SPATA6L: variants seen among roughly 807,000 people sequenced by gnomAD.
SPATA6L encodes spermatogenesis associated 6-like protein.
A neutral mutation model predicts 49.2 loss-of-function variants in SPATA6L; 68 were observed. That is an observed-to-expected ratio of 1.38 (90% CI 1.14 to 1.69). The LOEUF (loss-of-function observed/expected upper bound fraction) is 1.69, where lower values mean the gene tolerates loss of function less well. Among genes scored for constraint, SPATA6L ranks in the 40% most tolerant of loss-of-function variants. The pLI is 0.00. For missense variants in SPATA6L, 668 were observed against 464.3 expected (o/e 1.44, Z -4.03); for synonymous variants, 198 against 165.7 (o/e 1.19, Z -1.50).
At chr9:4,637,135 T>G (rs528723279) in intron 3 of SPATA6L, among the ~76,000 whole-genome samples, 82 of 152,326 alleles carry the variant, frequency 5.4e-4, no homozygotes, top group Middle Eastern at 3.4e-3. Flanking sequence ...ATTCATTTAT[T>G]GCCACTCTCC....
intron 3 of SPATA6L, among the ~76,000 whole-genome samples, chr9:4,648,155 C>T (rs1482146585): frequency 1.3e-5 from 2 of 151,912 alleles, no homozygotes; most frequent in African/African-American, 2.4e-5. Context: ...GTTAAACAGA[C>T]AACAAAAGTA....
Position 4,604,870 on chromosome 9 carries a change from A to G in SPATA6L, c.1089+477T>C, listed in dbSNP as rs80231269. ...TGGGAATACCTACCAATGGATCAGAAGCACTCCCCATACCCCTGTAAAAGT... is the reference window on the plus strand; with the variant it reads ...TGGGAATACCTACCAATGGATCAGAGGCACTCCCCATACCCCTGTAAAAGT... On this transcript the variant is annotated intron_variant, in intron 10 of 11. Coordinates refer to ENST00000682582, the MANE Select transcript of SPATA6L (RefSeq NM_001353486.2). Among the ~76,000 whole-genome samples the G allele has an allele frequency of 5.1e-3, 770 of 152,330 alleles. 6 individuals are homozygous for G. The highest frequency in any genetic ancestry group is 9.0e-3 in the Non-Finnish European group (614 of 68,032).
chr9:4,642,584 C>A (rs1366258474), intron 3 of SPATA6L, among the ~76,000 whole-genome samples: 2 of 152,210 alleles, frequency 1.3e-5, no homozygotes, highest in African/African-American at 4.8e-5. Context: ...GGGCCCTTGA[C>A]CTGCTCCAGT....
At chr9:4,622,381 T>C (rs1329512674) in intron 7 of SPATA6L, 27 bp downstream of exon 7, 2 of 1,390,564 alleles carry the variant, frequency 1.4e-6, no homozygotes, top group Non-Finnish European at 2.0e-6. Context: ...TAGGGAAATG[T>C]ACAGGAGTAA....
In SPATA6L at chr9:4,611,646, T is replaced by C. The variant is rs1163777552; in HGVS notation, c.996-6206A>G. ...GGGAACATCACACTCTGGGGACTGT[T>C]GTGGGGTGGGGGGAGGGGGGAGGGA... is the stretch of plus-strand genomic sequence containing the variant. On this transcript the variant is annotated intron_variant, in intron 9 of 11. Transcript: ENST00000682582. Among the ~76,000 whole-genome samples the C allele has an allele frequency of 3.3e-4, 29 of 87,908 alleles. 2 individuals are homozygous for C. The South Asian group carries it at 0.013, about 39-fold the overall frequency. 57.7% of individuals were successfully genotyped at this position (87,908 alleles called of 152,430 possible).
chr9:4,603,007 G>C (rs1056820562), intron 11 of SPATA6L, among the ~76,000 whole-genome samples: 1 of 152,134 alleles, frequency 6.6e-6, no homozygotes, highest in African/African-American at 2.4e-5. Flanking sequence ...GGCTTGAATG[G>C]AAAAGAAAAG....
rs1245928336 is a variant in SPATA6L, at chr9:4,600,439, C to G, written c.*372G>C. The G allele has an allele frequency of 8.6e-6, 1 of 116,658 alleles. No homozygotes were observed. Among genetic ancestry groups the G allele is most frequent in the Non-Finnish European group, 2.1e-5 (1 of 48,038 alleles). The allele number at this position is 116,658 out of a possible 1,614,324, so 7.2% of individuals were successfully genotyped here. On this transcript the variant is annotated 3_prime_UTR_variant, in exon 12 of 12. Coordinates refer to ENST00000682582, the MANE Select transcript of SPATA6L (RefSeq NM_001353486.2). ...TTATTCCTGTGAATAGCAACTTCCT[C>G]TAGCTCATATATAATTAATTTGAGA...
At chr9:4,604,835 G>GACAAAGT (rs1457640905) in intron 10 of SPATA6L, among the ~76,000 whole-genome samples, 1 of 152,114 alleles carries the variant, frequency 6.6e-6, no homozygotes, top group Admixed American at 6.5e-5. Context: ...CTGAATCAGT[G>GACAAAGT]ACAAAGTACT....
intron 3 of SPATA6L, among the ~76,000 whole-genome samples, chr9:4,636,578 TATA>T (rs1249049910): frequency 6.6e-6 from 1 of 152,172 alleles, no homozygotes; most frequent in Non-Finnish European, 1.5e-5. Flanking sequence ...AAAAAGTAAC[TATA>T]GCCAATGAGG....
At chr9:4,605,873 T>G (rs984028046) in intron 9 of SPATA6L, among the ~76,000 whole-genome samples, 2 of 152,098 alleles carry the variant, frequency 1.3e-5, no homozygotes, top group Non-Finnish European at 2.9e-5. Context: ...AGAGGACGGG[T>G]GATTTCTGCA....
intron 3 of SPATA6L, among the ~76,000 whole-genome samples, chr9:4,638,542 G>C (rs1194382772): frequency 6.6e-6 from 1 of 152,056 alleles, no homozygotes; most frequent in South Asian, 2.1e-4. Flanking sequence ...TCAATTATCT[G>C]CTTCATTTAC....
intron 3 of SPATA6L, 126 bp from the exon 4 acceptor site, chr9:4,635,525 A>G (rs2273900): frequency 0.14 from 122,131 of 892,022 alleles, 14,704 homozygotes; most frequent in East Asian, 0.46. Flanking sequence ...ATCCTAGCAC[A>G]TGTTATTCAA....
chr9:4,626,212 A>T, intron 5 of SPATA6L: 1 of 267,576 alleles, frequency 3.7e-6, no homozygotes, highest in Non-Finnish European at 6.6e-6. Context: ...TCTTCGCCTT[A>T]ACAGCTGCAA....
At chr9:4,643,820 C>G (rs1318650671) in intron 3 of SPATA6L, among the ~76,000 whole-genome samples, 1 of 152,166 alleles carries the variant, frequency 6.6e-6, no homozygotes, top group Non-Finnish European at 1.5e-5. Context: ...GCCTGGCCAA[C>G]TTGGTGAAAC....
At chr9:4,647,419 C>A (rs1023606080) in intron 3 of SPATA6L, among the ~76,000 whole-genome samples, 1 of 151,992 alleles carries the variant, frequency 6.6e-6, no homozygotes, top group African/African-American at 2.4e-5. Flanking sequence ...TAGTGAAACC[C>A]CGTGTCTACT....
chr9:4,638,472 C>T (rs1053626143), intron 3 of SPATA6L, among the ~76,000 whole-genome samples: 3 of 152,164 alleles, frequency 2.0e-5, no homozygotes, highest in South Asian at 2.1e-4. Context: ...CTCAGCCTCC[C>T]GAAGTGCTGG....
chr9:4,625,590 T>G, intron 5 of SPATA6L, 24 bp from the exon 6 acceptor site: 1 of 1,431,464 alleles, frequency 7.0e-7, no homozygotes, highest in Non-Finnish European at 9.3e-7. Flanking sequence ...AAAAAGAATA[T>G]TTTTTAAAAT....
At chr9:4,622,293 A>G (rs1376079362) in intron 7 of SPATA6L, 115 bp downstream of exon 7, 2 of 678,924 alleles carry the variant, frequency 2.9e-6, no homozygotes, top group Non-Finnish European at 2.6e-6. Flanking sequence ...AGAGTACTTG[A>G]GAATTAGGCT....
At chr9:4,610,024 C>A (rs913052054) in intron 9 of SPATA6L, among the ~76,000 whole-genome samples, 1 of 151,666 alleles carries the variant, frequency 6.6e-6, no homozygotes, top group Admixed American at 6.6e-5. Flanking sequence ...AGAGCCAAAT[C>A]ATGAGTGAAC....
Sources: allele counts gnomAD v4.1 joint callset (sites outside exome capture counted in the v4.1 genomes callset), GRCh38; gene constraint gnomAD v4.1.1; transcripts MANE v1.5; gene names NCBI Gene and HGNC (gene_info 2026-07-23, HGNC 2026-07-21).